The following EPM2A variants were observed in gnomAD, a reference collection of about 807,000 sequenced individuals.
EPM2A encodes the protein laforin.
Under a neutral mutation model 26.5 loss-of-function variants are expected in EPM2A, and 21 were observed. The ratio of observed to expected loss-of-function variants is 0.79; its 90% CI spans 0.56 to 1.14. The LOEUF (loss-of-function observed/expected upper bound fraction) is 1.14, where lower values mean the gene tolerates loss of function less well. Ranked by LOEUF, EPM2A falls within the 50% of genes most tolerant of loss-of-function variation. EPM2A has a pLI of 0.00. For missense variants in EPM2A, 458 were observed against 440.8 expected, an observed-to-expected ratio of 1.04 and a Z score of -0.35; for synonymous variants, 217 against 177.6, an observed-to-expected ratio of 1.22 and a Z score of -1.76.
intron 4 of EPM2A, among the ~76,000 whole-genome samples, chr6:145,450,678 G>T (rs1317573961): frequency 2.0e-5 from 3 of 152,074 alleles, no homozygotes; most frequent in Non-Finnish European, 4.4e-5. Context: ...CTCTGTACTG[G>T]TAACTGCAGA....
chr6:145,407,815 A>G (rs1172461363), intron 4 of EPM2A, among the ~76,000 whole-genome samples: 2 of 152,192 alleles, frequency 1.3e-5, no homozygotes, highest in Non-Finnish European at 2.9e-5. Context: ...AGGAAGTTAT[A>G]AATAGATACA....
chr6:145,645,911 A>C (rs773475916), intron 2 of EPM2A, among the ~76,000 whole-genome samples: 1 of 152,090 alleles, frequency 6.6e-6, no homozygotes, highest in South Asian at 2.1e-4. Flanking sequence ...CAAAACTTTT[A>C]AGGACATTTA....
intron 2 of EPM2A, among the ~76,000 whole-genome samples, chr6:145,553,298 A>T (rs556733880): frequency 6.6e-6 from 1 of 152,258 alleles, no homozygotes; most frequent in Admixed American, 6.5e-5. Flanking sequence ...CTTCTTGGGT[A>T]TTTCTTCACA....
At chr6:145,473,704 A>G (rs765413296) in intron 4 of EPM2A, among the ~76,000 whole-genome samples, 1 of 152,186 alleles carries the variant, frequency 6.6e-6, no homozygotes, top group African/African-American at 2.4e-5. Context: ...GCTCCAGTAC[A>G]TCAGGCAGTA....
At chr6:145,472,027 G>A (rs765440573) in intron 4 of EPM2A, among the ~76,000 whole-genome samples, 11 of 150,476 alleles carry the variant, frequency 7.3e-5, no homozygotes, top group Non-Finnish European at 1.3e-4. Flanking sequence ...GAGAGGAGAG[G>A]GAAGGAGTGG....
intron 2 of EPM2A, among the ~76,000 whole-genome samples, chr6:145,581,271 T>G (rs1781109050): frequency 6.6e-6 from 1 of 152,208 alleles, no homozygotes; most frequent in Non-Finnish European, 1.5e-5. Context: ...GGAGGGTTTT[T>G]CATGTTTGTT....
intron 2 of EPM2A, among the ~76,000 whole-genome samples, chr6:145,583,072 T>C (rs1781137146): frequency 6.6e-6 from 1 of 152,214 alleles, no homozygotes; most frequent in African/African-American, 2.4e-5. Context: ...TATTGTATTT[T>C]TTAGATCTTT....
rs138419185 is a variant in EPM2A, at chr6:145,493,599, A to G, written c.555+8923T>C. Among the ~76,000 whole-genome samples, 174 of 152,302 alleles carry G rather than the reference A, an allele frequency of 1.1e-3. 1 individual carries two copies. Among genetic ancestry groups the G allele is most frequent in the African/African-American group, 4.0e-3 (168 of 41,554 alleles). On this transcript the variant is annotated intron_variant, in intron 4 of 4. Transcript: ENST00000638717. ...AGGTGAGTGCTTATAGCTTTTGCCCATTCAGTGTGACGTTGGCTGTCGGTT... is the reference window on the plus strand; with the variant it reads ...AGGTGAGTGCTTATAGCTTTTGCCCGTTCAGTGTGACGTTGGCTGTCGGTT...
At chr6:145,395,909 C>T (rs551781313) in intron 4 of EPM2A, among the ~76,000 whole-genome samples, 2 of 152,258 alleles carry the variant, frequency 1.3e-5, no homozygotes, top group Admixed American at 6.5e-5. Context: ...GGCCAGGTGC[C>T]TAATCTGCCC....
chr6:145,650,963 G>A (rs1243448315), intron 2 of EPM2A, among the ~76,000 whole-genome samples: 1 of 152,136 alleles, frequency 6.6e-6, no homozygotes. Flanking sequence ...GTAGGGCTGT[G>A]GGAAATGGAA....
chr6:145,459,310 T>C (rs768209805), intron 4 of EPM2A, among the ~76,000 whole-genome samples: 1 of 152,202 alleles, frequency 6.6e-6, no homozygotes, highest in African/African-American at 2.4e-5. Context: ...GACAAAAATC[T>C]GGATAAGGTG....
chr6:145,625,516 A>AT lies in EPM2A; in HGVS notation c.*1899dup. The AT allele has an allele frequency of 5.3e-6, 3 of 567,138 alleles. No homozygotes were observed. Among genetic ancestry groups the AT allele is most frequent in the South Asian group, 4.8e-5 (2 of 41,560 alleles). The allele number at this position is 567,138 out of a possible 1,614,324, so 35.1% of individuals were successfully genotyped here. On this transcript the variant is annotated 3_prime_UTR_variant, in exon 4 of 4. Transcript: ENST00000367519. ...AATTATGAAGCTGGATTTCTTAGAC[A>AT]TTAAAGAAATTCACAGACCCACATA... is the stretch of plus-strand genomic sequence containing the variant.
chr6:145,602,139 G>A (rs1781424644), intron 2 of EPM2A, among the ~76,000 whole-genome samples: 1 of 152,120 alleles, frequency 6.6e-6, no homozygotes, highest in South Asian at 2.1e-4. Context: ...CCATTGATAA[G>A]TTAGATCAAT....
intron 4 of EPM2A, among the ~76,000 whole-genome samples, chr6:145,425,159 T>TTCCTTCCTTCCTTCCTTCC (rs1431824349): frequency 3.1e-5 from 4 of 128,078 alleles, no homozygotes; most frequent in Non-Finnish European, 3.5e-5. Context: ...CCTTCCTTCC[T>TTCCTTCCTTCCTTCCTTCC]TTCCTTCCGT....
chr6:145,528,439 A>G (rs886827276), intron 2 of EPM2A, among the ~76,000 whole-genome samples: 2 of 152,118 alleles, frequency 1.3e-5, no homozygotes, highest in African/African-American at 4.8e-5. Context: ...ATTGAAAACA[A>G]TGCTCATTTA....
intron 2 of EPM2A, chr6:145,671,193 G>T: frequency 9.9e-7 from 1 of 1,007,126 alleles, no homozygotes; most frequent in African/African-American, 1.8e-5. Flanking sequence ...TGCGAGCAAA[G>T]TAAAAAAAAA....
At chr6:145,441,330 C>A (rs539511269) in intron 4 of EPM2A, among the ~76,000 whole-genome samples, 1 of 152,190 alleles carries the variant, frequency 6.6e-6, no homozygotes, top group African/African-American at 2.4e-5. Flanking sequence ...TGGGCCCTAG[C>A]CCACTAAACC....
intron 1 of EPM2A, among the ~76,000 whole-genome samples, chr6:145,702,165 T>G (rs1382123180): frequency 6.6e-6 from 1 of 152,192 alleles, no homozygotes; most frequent in Non-Finnish European, 1.5e-5. Flanking sequence ...CGTCCTGCAA[T>G]ATGGCATCTG....
intron 4 of EPM2A, among the ~76,000 whole-genome samples, chr6:145,410,842 A>G (rs1386514952): frequency 6.6e-6 from 1 of 152,204 alleles, no homozygotes; most frequent in African/African-American, 2.4e-5. Flanking sequence ...CCCTGCTATT[A>G]CTTAGGACTC....
Sources: gnomAD v4.1 joint callset for allele counts (sites outside exome capture counted in the v4.1 genomes callset) on GRCh38, gnomAD v4.1.1 for gene constraint, MANE v1.5 for transcripts, NCBI Gene and HGNC (gene_info 2026-07-23, HGNC 2026-07-21) for gene names.